POU6F2: variants seen among roughly 807,000 people sequenced by gnomAD.
The protein encoded by POU6F2 is POU domain, class 6, transcription factor 2.
POU6F2 carries 31 observed loss-of-function variants against 71.3 expected under a neutral mutation model. The ratio of observed to expected loss-of-function variants is 0.43; its 90% CI spans 0.33 to 0.59. The LOEUF (loss-of-function observed/expected upper bound fraction) is 0.59, where lower values mean the gene tolerates loss of function less well. POU6F2 is among the 20% of genes least tolerant of loss of function. POU6F2 has a pLI of 0.04. For synonymous variants in POU6F2, 347 were observed against 355.7 expected (o/e 0.98, Z 0.27); for missense variants, 783 against 856.8 (o/e 0.91, Z 1.07).
At chr7:38,983,117 A>G (rs1788365763) in intron 1 of POU6F2, among the ~76,000 whole-genome samples, 1 of 152,130 alleles carries the variant, frequency 6.6e-6, no homozygotes, top group Admixed American at 6.5e-5. Context: ...TGCTTGATTG[A>G]GTAGAAAATA....
intron 4 of POU6F2, among the ~76,000 whole-genome samples, chr7:39,242,591 C>T (rs1029071191): frequency 1.3e-5 from 2 of 151,624 alleles, no homozygotes; most frequent in Non-Finnish European, 2.9e-5. Context: ...GAAAGACAAA[C>T]GTGGGCTGGA....
At chr7:38,987,916 T>C (rs1788502795) in intron 1 of POU6F2, among the ~76,000 whole-genome samples, 1 of 152,138 alleles carries the variant, frequency 6.6e-6, no homozygotes, top group South Asian at 2.1e-4. Flanking sequence ...GGTAGGTGTG[T>C]TCTTTTTCCC....
intron 2 of POU6F2, among the ~76,000 whole-genome samples, chr7:39,202,019 G>A (rs1793916458): frequency 6.6e-6 from 1 of 152,182 alleles, no homozygotes. Flanking sequence ...GCCTGTGAAA[G>A]ACTTCATTTT....
chr7:39,089,283 A>G (rs1229061155), intron 2 of POU6F2, among the ~76,000 whole-genome samples: 2 of 152,184 alleles, frequency 1.3e-5, no homozygotes, highest in African/African-American at 2.4e-5. Context: ...TAAAGCCTGT[A>G]GGATAACTAT....
At chr7:39,269,094 G>A (rs1002982309) in intron 4 of POU6F2, among the ~76,000 whole-genome samples, 1 of 152,100 alleles carries the variant, frequency 6.6e-6, no homozygotes, top group Non-Finnish European at 1.5e-5. Flanking sequence ...ATAGTTGAGG[G>A]GTTATATTGA....
At chr7:39,179,966 T>C (rs1300509508) in intron 2 of POU6F2, among the ~76,000 whole-genome samples, 1 of 152,200 alleles carries the variant, frequency 6.6e-6, no homozygotes, top group East Asian at 1.9e-4. Context: ...AGAAAATGTA[T>C]GTGAAAGCTC....
intron 4 of POU6F2, among the ~76,000 whole-genome samples, chr7:39,242,871 T>C (rs1256494124): frequency 6.6e-6 from 1 of 152,116 alleles, no homozygotes; most frequent in Non-Finnish European, 1.5e-5. Flanking sequence ...AGGTTCTAGT[T>C]CTCTCCTCTA....
chr7:39,381,998 C>T (rs1786838773), intron 5 of POU6F2, among the ~76,000 whole-genome samples: 1 of 151,912 alleles, frequency 6.6e-6, no homozygotes, highest in African/African-American at 2.4e-5. Context: ...ATTCCTCTGT[C>T]CAGCAACTTA....
intron 2 of POU6F2, among the ~76,000 whole-genome samples, chr7:39,116,257 C>T (rs1791926997): frequency 1.3e-5 from 2 of 152,094 alleles, no homozygotes; most frequent in Non-Finnish European, 1.5e-5. Flanking sequence ...TGGTGGCATG[C>T]ACCTGTAGTC....
At chr7:39,371,325 G>A (rs545993521) in intron 5 of POU6F2, among the ~76,000 whole-genome samples, 51 of 151,984 alleles carry the variant, frequency 3.4e-4, no homozygotes, top group African/African-American at 1.2e-3. Flanking sequence ...GACTACAGGC[G>A]CCCACCACCA....
chr7:39,432,699 G>C (rs1228480255), intron 6 of POU6F2, among the ~76,000 whole-genome samples: 1 of 152,084 alleles, frequency 6.6e-6, no homozygotes, highest in Admixed American at 6.5e-5. Context: ...TTGGGGGGTG[G>C]TGGGGATGCA....
At chr7:39,236,159 G>A (rs557542401) in intron 4 of POU6F2, among the ~76,000 whole-genome samples, 2 of 152,178 alleles carry the variant, frequency 1.3e-5, no homozygotes, top group South Asian at 4.2e-4. Flanking sequence ...AGAGAACCAC[G>A]GAATTTTCTT....
intron 6 of POU6F2, among the ~76,000 whole-genome samples, chr7:39,419,023 A>ATG (rs1220335437): frequency 6.8e-6 from 1 of 146,344 alleles, no homozygotes; most frequent in Non-Finnish European, 1.5e-5. Context: ...ATGTATATAT[A>ATG]TGTGTGTATA....
intron 2 of POU6F2, among the ~76,000 whole-genome samples, chr7:39,149,413 T>C (rs1309467028): frequency 1.3e-5 from 2 of 152,220 alleles, no homozygotes; most frequent in Non-Finnish European, 2.9e-5. Flanking sequence ...TTATTGTGTA[T>C]AATCGAAGTT....
intron 4 of POU6F2, among the ~76,000 whole-genome samples, chr7:39,233,232 A>T (rs1444215837): frequency 6.6e-6 from 1 of 152,108 alleles, no homozygotes; most frequent in South Asian, 2.1e-4. Flanking sequence ...GAAAACAGGT[A>T]ATTTGCAAAA....
At chr7:39,237,563 A>G (rs1020988762) in intron 4 of POU6F2, among the ~76,000 whole-genome samples, 2 of 152,164 alleles carry the variant, frequency 1.3e-5, no homozygotes, top group Non-Finnish European at 2.9e-5. Context: ...AGTGGAACCC[A>G]TAGACAGATA....
chr7:39,368,513 G>A (rs181805659), intron 5 of POU6F2, among the ~76,000 whole-genome samples: 24 of 152,340 alleles, frequency 1.6e-4, no homozygotes, highest in African/African-American at 5.3e-4. Flanking sequence ...AGAAGCTGCA[G>A]CAAGTTTTTC....
At position 39,343,717 on chromosome 7, in the gene POU6F2, C is replaced by T. The variant is rs543082734; in HGVS notation, c.972+3702C>T. Among the ~76,000 whole-genome samples, 4 of 152,294 alleles carry T rather than the reference C, an allele frequency of 2.6e-5. 1 individual carries two copies. The highest frequency in any genetic ancestry group is 9.6e-5 in the African/African-American group (4 of 41,564). On this transcript the variant is annotated intron_variant, in intron 5 of 9. Coordinates refer to ENST00000518318, the MANE Select transcript of POU6F2 (RefSeq NM_001370959.1). The stretch of plus-strand genomic sequence containing the variant: ...CTTCTAGTTCTGACCCTGCCTCCAA[C>T]TAACTCATAACTTTGGATAGGTCAC...
At chr7:39,419,173 A>G (rs1258146513) in intron 6 of POU6F2, among the ~76,000 whole-genome samples, 1 of 136,290 alleles carries the variant, frequency 7.3e-6, no homozygotes, top group Non-Finnish European at 1.5e-5. Context: ...ACACATATAT[A>G]TACGTATATA....
Sources: gnomAD v4.1 joint callset for allele counts (sites outside exome capture counted in the v4.1 genomes callset) on GRCh38, gnomAD v4.1.1 for gene constraint, MANE v1.5 for transcripts, NCBI Gene and HGNC (gene_info 2026-07-23, HGNC 2026-07-21) for gene names.